The following GNAO1 variants were observed in gnomAD, a reference collection of about 807,000 sequenced individuals.
GNAO1 encodes the protein G protein subunit alpha o1.
For missense variants in GNAO1, 166 were observed against 478.7 expected (o/e 0.35, Z 6.10); for synonymous variants, 164 against 180.7 (o/e 0.91, Z 0.74).
chr16:56,349,869 C>A (rs958356900), intron 6 of GNAO1, among the ~76,000 whole-genome samples: 2 of 152,140 alleles, frequency 1.3e-5, no homozygotes, highest in Non-Finnish European at 2.9e-5. Flanking sequence ...GAGGACTGGC[C>A]GTAAGACGCA....
At chr16:56,330,917 C>G (rs8056537) in intron 4 of GNAO1, among the ~76,000 whole-genome samples, 104,134 of 152,148 alleles carry the variant, frequency 0.68, 35,937 homozygotes, top group East Asian at 0.8. Context: ...GCTGGGCCTT[C>G]CGTGTCTCCC....
chr16:56,224,920 A>G (rs1045689777), intron 2 of GNAO1, among the ~76,000 whole-genome samples: 22 of 152,218 alleles, frequency 1.4e-4, no homozygotes, highest in Admixed American at 1.2e-3. Context: ...GGATGGTTCA[A>G]AAACTTTCAC....
At chr16:56,304,198 G>A (rs902158317) in intron 3 of GNAO1, among the ~76,000 whole-genome samples, 7 of 152,236 alleles carry the variant, frequency 4.6e-5, no homozygotes, top group African/African-American at 1.7e-4. Flanking sequence ...ACCGGGGAGA[G>A]CAGAGACCCT....
chr16:56,287,526 C>T (rs1180074765), intron 3 of GNAO1, among the ~76,000 whole-genome samples: 1 of 152,182 alleles, frequency 6.6e-6, no homozygotes, highest in Non-Finnish European at 1.5e-5. Flanking sequence ...GTGCCTGGCA[C>T]CAAGTAAGTG....
In GNAO1 at chr16:56,225,278, G is replaced by T. The variant is rs559503765; in HGVS notation, c.161+32662G>T. ...GAAATGCCAAGTGTCATGATGTCAG[G>T]GTTACCAGGTAACTGAGTAGAGGAA... On this transcript the variant is annotated intron_variant, in intron 2 of 8. Transcript: ENST00000262493. Among the ~76,000 whole-genome samples the T allele has an allele frequency of 3.9e-5, 6 of 152,330 alleles. No individual in the cohort carries two copies. In the South Asian group the frequency reaches 1.0e-3, roughly 26 times the overall value.
chr16:56,248,880 G>T (rs567852344), intron 2 of GNAO1, among the ~76,000 whole-genome samples: 1 of 152,320 alleles, frequency 6.6e-6, no homozygotes, highest in Admixed American at 6.5e-5. Flanking sequence ...CAGGTGTGAT[G>T]GGAGCCCATG....
intron 2 of GNAO1, among the ~76,000 whole-genome samples, chr16:56,238,942 C>T (rs2036668385): frequency 6.6e-6 from 1 of 152,216 alleles, no homozygotes; most frequent in Non-Finnish European, 1.5e-5. Context: ...TTTATTGGCC[C>T]TCTTTACTCT....
chr16:56,208,690 A>C (rs1400272794), intron 2 of GNAO1, among the ~76,000 whole-genome samples: 2 of 151,980 alleles, frequency 1.3e-5, no homozygotes, highest in African/African-American at 4.8e-5. Flanking sequence ...CAAGTAGTAG[A>C]TCTCATTGTG....
At chr16:56,243,703 T>C (rs940972631) in intron 2 of GNAO1, among the ~76,000 whole-genome samples, 28 of 152,176 alleles carry the variant, frequency 1.8e-4, no homozygotes, top group Middle Eastern at 3.4e-3. Flanking sequence ...TTAGCAGATA[T>C]ATGTTCCAGA....
At position 56,311,938 on chromosome 16, in the gene GNAO1, G is replaced by A. The variant is rs189853091; in HGVS notation, c.304-16693G>A. 9.2e-5 allele frequency among the ~76,000 whole-genome samples: 14 copies of A among 152,274 alleles called. No individual in the cohort carries two copies. Among genetic ancestry groups the A allele is most frequent in the Admixed American group, 6.5e-4 (10 of 15,296 alleles). ...ATGTAAACACTACCAGCATCAACAC[G>A]GTAATGCCGGTTCCCCTGGGTGGGC... On this transcript the variant is annotated intron_variant, in intron 3 of 8. Transcript: ENST00000262493. The surrounding 1 kb of genome is among the most constrained non-coding windows in gnomAD (Gnocchi z 5.2).
intron 3 of GNAO1, among the ~76,000 whole-genome samples, chr16:56,292,731 C>G (rs548037689): frequency 1.3e-5 from 2 of 152,176 alleles, no homozygotes. Context: ...ATGAGCTGCA[C>G]GTTCAGCTCT....
At chr16:56,345,258 G>C (rs2037854595) in intron 6 of GNAO1, 2 of 985,404 alleles carry the variant, frequency 2.0e-6, no homozygotes, top group African/African-American at 3.5e-5. Context: ...GGCCAGTCGT[G>C]TGCTTGTACA....
At chr16:56,210,228 T>C (rs975531735) in intron 2 of GNAO1, among the ~76,000 whole-genome samples, 1 of 152,214 alleles carries the variant, frequency 6.6e-6, no homozygotes, top group Non-Finnish European at 1.5e-5. Context: ...CCTCCATGTG[T>C]TTTCATGGCT....
At chr16:56,327,451 C>T (rs1052085779) in intron 3 of GNAO1, among the ~76,000 whole-genome samples, 2 of 151,988 alleles carry the variant, frequency 1.3e-5, no homozygotes, top group African/African-American at 2.4e-5. Flanking sequence ...AAAGGCCCAA[C>T]GACACAGCTC....
chr16:56,248,059 C>G (rs2036765873), intron 2 of GNAO1, among the ~76,000 whole-genome samples: 1 of 152,178 alleles, frequency 6.6e-6, no homozygotes, highest in Non-Finnish European at 1.5e-5. Context: ...TTGGCCCAGT[C>G]TCAACTGTTA....
intron 6 of GNAO1, chr16:56,344,248 C>T (rs1567493042): frequency 7.5e-7 from 1 of 1,341,796 alleles, no homozygotes; most frequent in Non-Finnish European, 9.6e-7. Context: ...AGGGCAGGGC[C>T]CAGATGGGCA....
At chr16:56,346,446 T>C in intron 6 of GNAO1, 3 of 984,944 alleles carry the variant, frequency 3.0e-6, no homozygotes, top group Non-Finnish European at 3.6e-6. Flanking sequence ...TTTGCCAAAC[T>C]CATGAAAATT....
At chr16:56,210,046 G>A (rs2036372531) in intron 2 of GNAO1, among the ~76,000 whole-genome samples, 1 of 152,060 alleles carries the variant, frequency 6.6e-6, no homozygotes, top group African/African-American at 2.4e-5. Flanking sequence ...TGCTCCACCT[G>A]TTCTTTGTTC....
chr16:56,270,750 G>A (rs1387406508), intron 2 of GNAO1: 1 of 152,168 alleles, frequency 6.6e-6, no homozygotes, highest in Admixed American at 6.5e-5. Flanking sequence ...CTAAGTGGCA[G>A]AAGCCCAAAT....
Sources: gnomAD v4.1 joint callset for allele counts (sites outside exome capture counted in the v4.1 genomes callset) on GRCh38, gnomAD v4.1.1 for gene constraint, Gnocchi (gnomAD v3.1) non-coding constraint, MANE v1.5 for transcripts, NCBI Gene and HGNC (gene_info 2026-07-23, HGNC 2026-07-21) for gene names.